ZNF236: variants seen among roughly 807,000 people sequenced by gnomAD.
ZNF236 encodes zinc finger protein 236.
Under a neutral mutation model 191.2 loss-of-function variants are expected in ZNF236, and 50 were observed. That is an observed-to-expected ratio of 0.26 (90% CI 0.21 to 0.33). The LOEUF is 0.33. Among genes scored for constraint, ZNF236 ranks in the 10% least tolerant of loss-of-function variants. ZNF236 has a pLI of 1.00. For missense variants in ZNF236, 1,754 were observed against 2,374.5 expected, an observed-to-expected ratio of 0.74 and a Z score of 5.43; for synonymous variants, 907 against 928.8, an observed-to-expected ratio of 0.98 and a Z score of 0.43.
At chr18:76,878,619 GCA>G (rs34297502) in intron 7 of ZNF236, among the ~76,000 whole-genome samples, 124 of 149,868 alleles carry the variant, frequency 8.3e-4, no homozygotes, top group African/African-American at 2.6e-3. Context: ...ACACAGGTGC[GCA>G]CACACACACA....
At chr18:76,892,449 G>A (rs183886451) in intron 9 of ZNF236, among the ~76,000 whole-genome samples, 1 of 143,764 alleles carries the variant, frequency 7.0e-6, no homozygotes, top group African/African-American at 2.5e-5. Flanking sequence ...ATTGAGATAT[G>A]TTTTATTCAC....
At chr18:76,915,899 G>A (rs772046341) in intron 19 of ZNF236, 40 bp downstream of exon 19, 1 of 1,573,380 alleles carries the variant, frequency 6.4e-7, no homozygotes, top group Non-Finnish European at 8.7e-7. Flanking sequence ...TTAACCCGAT[G>A]CTAATTTAGG....
At chr18:76,915,073 CTT>C (rs1211387923) in intron 18 of ZNF236, among the ~76,000 whole-genome samples, 2 of 152,078 alleles carry the variant, frequency 1.3e-5, no homozygotes, top group Non-Finnish European at 2.9e-5. Context: ...CAATATATGA[CTT>C]TTATAAGGAA....
intron 10 of ZNF236, among the ~76,000 whole-genome samples, chr18:76,896,165 A>G (rs1203671439): frequency 1.3e-5 from 2 of 152,114 alleles, no homozygotes; most frequent in African/African-American, 4.8e-5. Flanking sequence ...GGCATTGCCC[A>G]CAGGGACCAC....
intron 26 of ZNF236, among the ~76,000 whole-genome samples, chr18:76,941,135 G>A (rs1266297397): frequency 6.6e-6 from 1 of 152,160 alleles, no homozygotes; most frequent in African/African-American, 2.4e-5. Flanking sequence ...GGGACTGCTG[G>A]TGTAGTGCAC....
chr18:76,846,549 A>C (rs1396293133), intron 1 of ZNF236, among the ~76,000 whole-genome samples: 2 of 152,316 alleles, frequency 1.3e-5, no homozygotes, highest in African/African-American at 4.8e-5. Flanking sequence ...TGGGTTTCAA[A>C]ATTATGCTCA....
Position 76,968,449 on chromosome 18 carries a change from GTTTT to G in ZNF236, c.*113_*116del, listed in dbSNP as rs1968839295. 1 of 1,495,826 alleles carries G rather than the reference GTTTT, an allele frequency of 6.7e-7. No individual in the cohort carries two copies. The allele number at this position is 1,495,826 out of a possible 1,614,324, so 92.7% of individuals were successfully genotyped here. A position where few individuals can be genotyped will look rare whatever the true frequency, so the allele number is the denominator to read the frequency against. ...TTCAAGTGTTAAAAATGCTACAATA[GTTTT>G]TTATCTATAAAATTATCTAAAGAAT... is the stretch of plus-strand genomic sequence containing the variant. On this transcript the variant is annotated 3_prime_UTR_variant, in exon 31 of 31. Coordinates refer to ENST00000320610, the MANE Select transcript of ZNF236 (RefSeq NM_001306089.2).
chr18:76,929,243 A>G (rs78223488), intron 25 of ZNF236, among the ~76,000 whole-genome samples: 2,394 of 152,160 alleles, frequency 0.016, 29 homozygotes, highest in Middle Eastern at 0.02. Context: ...TTTTAGGTAC[A>G]GCTTTGCTTT....
rs528907502 is a variant in ZNF236 at position 76,878,532 on chromosome 18, T to G, written c.984+380T>G. 5.3e-5 allele frequency among the ~76,000 whole-genome samples: 8 copies of G among 152,360 alleles called. No individual in the cohort carries two copies. The East Asian group carries it at 1.3e-3, about 26-fold the overall frequency. On this transcript the variant is annotated intron_variant, in intron 7 of 30. Coordinates refer to ENST00000320610, the MANE Select transcript of ZNF236 (RefSeq NM_001306089.2). ...AATTTTTCCTAAGTCTTTGGACTTT[T>G]GAAACTAAATTATATTTTTCAGTAC...
intron 19 of ZNF236, among the ~76,000 whole-genome samples, chr18:76,917,238 A>T (rs1017500940): frequency 5.3e-5 from 8 of 152,220 alleles, no homozygotes; most frequent in Admixed American, 2.0e-4. Flanking sequence ...AAAGTATAAA[A>T]AGAAAATGAC....
chr18:76,844,744 G>A (rs1275760695), intron 1 of ZNF236, among the ~76,000 whole-genome samples: 1 of 152,198 alleles, frequency 6.6e-6, no homozygotes, highest in Non-Finnish European at 1.5e-5. Flanking sequence ...TCGGCATCCA[G>A]TAGACATTTT....
chr18:76,932,296 T>C lies in ZNF236; in HGVS notation c.4594+4190T>C, dbSNP rs60586932. On this transcript the variant is annotated intron_variant, in intron 25 of 30. Coordinates refer to ENST00000320610, the MANE Select transcript of ZNF236 (RefSeq NM_001306089.2). ...TCTCCCAACGCCAGCCACTCAGCTT[T>C]GCATGGCCCATGGTGGCCTTTAGCT... 5.2e-3 allele frequency among the ~76,000 whole-genome samples: 785 copies of C among 152,312 alleles called. 7 individuals carry two copies. The highest frequency in any genetic ancestry group is 0.018 in the African/African-American group (761 of 41,564).
intron 28 of ZNF236, among the ~76,000 whole-genome samples, chr18:76,957,296 G>T (rs1968547668): frequency 6.6e-6 from 1 of 152,112 alleles, no homozygotes; most frequent in South Asian, 2.1e-4. Context: ...GGCTTTTTTG[G>T]AGTGTGGAGT....
chr18:76,834,305 T>A (rs1340696278), intron 1 of ZNF236: 1 of 171,498 alleles, frequency 5.8e-6, no homozygotes, highest in East Asian at 1.5e-4. Flanking sequence ...TCAATTCAAT[T>A]TATAGATGTT....
intron 26 of ZNF236, among the ~76,000 whole-genome samples, chr18:76,944,239 G>C (rs1968205563): frequency 6.6e-6 from 1 of 152,176 alleles, no homozygotes; most frequent in Non-Finnish European, 1.5e-5. Flanking sequence ...CTCTGCTGGG[G>C]CTTGGTGCTT....
Position 76,880,246 on chromosome 18 carries a change from A to G in ZNF236, c.1118A>G (p.Glu373Gly). 1 of 1,614,078 alleles carries G rather than the reference A, an allele frequency of 6.2e-7. No individual in the cohort carries two copies. ...LLELSEPAPV[E>G]SGQSPQPGQQ... is the part of the protein sequence containing the mutation. ...GAGCTCTCAGAGCCGGCGCCGGTGG[A>G]GTCGGGGCAGTCCCCGCAGCCTGGG... The change falls in exon 8 of 31, where the codon GAG becomes GGG. Residue 373 changes from glutamate to glycine, a missense_variant. Transcript: ENST00000320610. This position sits in a 1 kb window ranked among gnomAD's most constrained non-coding sequence, Gnocchi z 5.0.
Position 76,895,073 on chromosome 18 carries a change from T to G in ZNF236, c.1478T>G (p.Phe493Cys), listed in dbSNP as rs1250482503. The change falls in exon 10 of 31, where the codon TTC (phenylalanine) becomes TGC (cysteine). Residue 493 changes from phenylalanine to cysteine, a missense_variant. This residue lies in a region of ZNF236 where 126 missense variants were observed against 110.9 expected (regional missense o/e 1.14). Transcript: ENST00000320610. ...WHVCPYCAKE[F>C]RKPSDLVRHI... is the part of the protein sequence containing the mutation. The stretch of plus-strand genomic sequence containing the variant: ...GTGTGTCCCTACTGCGCCAAGGAGT[T>G]CCGCAAGCCCAGCGACCTGGTCCGC... 1 of 1,611,802 alleles carries G rather than the reference T, an allele frequency of 6.2e-7. No homozygotes were observed. The highest frequency in any genetic ancestry group is 8.5e-7 in the Non-Finnish European group (1 of 1,179,998).
rs1259167889 is a variant in ZNF236, at chr18:76,878,079, C to T, written c.911C>T (p.Thr304Met). Residue 304 changes from threonine (T) to methionine (M), a missense_variant, in exon 7 of 31, where the codon ACG becomes ATG. By Grantham distance (81) the Thr-to-Met change is moderately conservative (BLOSUM62 -1). Transcript: ENST00000320610. ...TTTAAAAGTTTAGGCAGCTTAAACA[C>T]GCATATCAGCAAGATGCATATGGGT... is the stretch of plus-strand genomic sequence containing the variant. ...CVFKSLGSLNTHISKMHMGGP... is the reference protein window; with the variant it reads ...CVFKSLGSLNMHISKMHMGGP... The T allele has an allele frequency of 6.8e-6, 11 of 1,613,092 alleles. No homozygotes were observed. Among genetic ancestry groups the T allele is most frequent in the Admixed American group, 1.7e-5 (1 of 60,000 alleles).
chr18:76,932,105 C>T (rs907217210), intron 25 of ZNF236, among the ~76,000 whole-genome samples: 14 of 152,238 alleles, frequency 9.2e-5, no homozygotes, highest in Middle Eastern at 6.8e-3. Flanking sequence ...AAATGGAGTG[C>T]AGACATTTTT....
Sources: allele counts gnomAD v4.1 joint callset (sites outside exome capture counted in the v4.1 genomes callset), GRCh38; gene constraint gnomAD v4.1.1; regional missense constraint gnomAD v4.1.1; non-coding constraint Gnocchi (gnomAD v3.1); transcripts MANE v1.5; gene names NCBI Gene and HGNC (gene_info 2026-07-23, HGNC 2026-07-21).